ZNF208: variants seen among roughly 807,000 people sequenced by gnomAD.
ZNF208 encodes zinc finger protein 208.
A neutral mutation model predicts 12.1 loss-of-function variants in ZNF208; 10 were observed. The observed-to-expected ratio is 0.83, with a 90% CI of 0.51 to 1.40. The LOEUF (loss-of-function observed/expected upper bound fraction) is 1.40. Ranked by LOEUF, ZNF208 falls within the 40% of genes most tolerant of loss-of-function variation. The pLI is 0.00. For missense variants in ZNF208, 1,652 were observed against 1,485.0 expected (o/e 1.11, Z -1.85); for synonymous variants, 497 against 488.4 (o/e 1.02, Z -0.23).
chr19:21,955,245 C>A (rs1969953967), intron 4 of ZNF208, among the ~76,000 whole-genome samples: 1 of 152,210 alleles, frequency 6.6e-6, no homozygotes, highest in Admixed American at 6.5e-5. Context: ...ACCTTTCTCT[C>A]TGGCTGCCCT....
At position 21,966,353 on chromosome 19, in the gene ZNF208, T is replaced by C. The variant is rs1435315701; in HGVS notation, c.*4838A>G. The C allele has an allele frequency of 1.3e-5, 2 of 152,108 alleles. No individual in the cohort carries two copies. The highest frequency in any genetic ancestry group is 6.6e-5 in the Admixed American group (1 of 15,244). The allele number at this position is 152,108 out of a possible 1,614,324, so 9.4% of individuals were successfully genotyped here. A position where few individuals can be genotyped will look rare whatever the true frequency, so the allele number is the denominator to read the frequency against. On this transcript the variant is annotated 3_prime_UTR_variant, in exon 4 of 4. Coordinates refer to ENST00000397126, the MANE Select transcript of ZNF208 (RefSeq NM_007153.3). The stretch of plus-strand genomic sequence containing the variant: ...TAGCATCCATGTATGAGTGAGAACA[T>C]GTGGCATTTGTTTTTCTGATGCAAT...
chr19:21,984,913 C>T (rs545630220), intron 3 of ZNF208, among the ~76,000 whole-genome samples: 5 of 152,070 alleles, frequency 3.3e-5, no homozygotes, highest in Non-Finnish European at 4.4e-5. Context: ...AAATAGAATG[C>T]GACACATATA....
chr19:21,999,728 T>C (rs1338443365), intron 1 of ZNF208, among the ~76,000 whole-genome samples: 2 of 152,028 alleles, frequency 1.3e-5, no homozygotes, highest in Admixed American at 6.6e-5. Flanking sequence ...AGGTCCCAGA[T>C]AAAGACAATT....
At chr19:21,999,786 T>A (rs2145580251) in intron 1 of ZNF208, among the ~76,000 whole-genome samples, 1 of 152,314 alleles carries the variant, frequency 6.6e-6, no homozygotes, top group Non-Finnish European at 1.5e-5. Context: ...CTAATATGAT[T>A]TACATATATT....
At chr19:21,977,446 A>T (rs1970453458) in intron 3 of ZNF208, among the ~76,000 whole-genome samples, 1 of 152,134 alleles carries the variant, frequency 6.6e-6, no homozygotes. Context: ...GCAGGGTGGG[A>T]TGTCGTCTCC....
At position 21,974,530 on chromosome 19, in the gene ZNF208, A is replaced by C. The variant is rs1396337253; in HGVS notation, c.504T>G (p.Thr168=). ...CTTTACATTGCAAATGTTTCTTTCC[A>C]GTATGCCTTATCTTATGTCTGTTTG... The part of the protein sequence containing the change: ...SNSNRHKIRH[T]GKKHLQCKEY... Residue 168 remains threonine (T), a synonymous_variant, in exon 4 of 4, where the codon ACT becomes ACG. Transcript: ENST00000397126. The C allele has an allele frequency of 1.2e-6, 2 of 1,613,718 alleles. No homozygotes were observed. Among genetic ancestry groups the C allele is most frequent in the Non-Finnish European group, 1.7e-6 (2 of 1,179,728 alleles).
intron 1 of ZNF208, among the ~76,000 whole-genome samples, chr19:22,008,552 G>GT (rs199621503): frequency 0.34 from 49,713 of 145,716 alleles, 8,641 homozygotes; most frequent in African/African-American, 0.46. Context: ...ACTGGGGTCA[G>GT]TTTTTTTTTT....
At chr19:21,962,515 A>G (rs1455365074), downstream of ZNF208, among the ~76,000 whole-genome samples, 1 of 152,086 alleles carries the variant, frequency 6.6e-6, no homozygotes, top group African/African-American at 2.4e-5. Flanking sequence ...GATGAAAAGG[A>G]ATTTTTCATG....
At chr19:21,990,442 T>C (rs1599626691) in intron 1 of ZNF208, among the ~76,000 whole-genome samples, 1 of 24,488 alleles carries the variant, frequency 4.1e-5, no homozygotes, top group Admixed American at 4.2e-4. Context: ...CATTGATCTA[T>C]ATCTCTGATA....
Position 21,973,395 on chromosome 19 carries a change from G to T in ZNF208, c.1639C>A (p.His547Asn). The change falls in exon 4 of 4, where the codon CAT becomes AAT. Residue 547 changes from histidine (H) to asparagine (N), a missense_variant. Coordinates refer to ENST00000397126, the MANE Select transcript of ZNF208 (RefSeq NM_007153.3). ...CATTTGTAGGGTTTCTCTCCAGTATGAATTACCTTATGTTTAGTAAGGATT... is the reference window on the plus strand; with the variant it reads ...CATTTGTAGGGTTTCTCTCCAGTATTAATTACCTTATGTTTAGTAAGGATT... Reference protein sequence around the residue: ...FSILTKHKVIHTGEKPYKCEE... With the variant: ...FSILTKHKVINTGEKPYKCEE... The T allele has an allele frequency of 1.9e-6, 3 of 1,612,056 alleles. No homozygotes were observed. Among genetic ancestry groups the T allele is most frequent in the African/African-American group, 1.3e-5 (1 of 74,988 alleles).
chr19:21,988,527 C>T (rs1041888187), intron 2 of ZNF208, among the ~76,000 whole-genome samples: 1 of 152,168 alleles, frequency 6.6e-6, no homozygotes, highest in Middle Eastern at 3.4e-3. Flanking sequence ...GTCATGCAGG[C>T]CTTCATTAAG....
chr19:21,997,284 G>A (rs1282271365), intron 1 of ZNF208, among the ~76,000 whole-genome samples: 3 of 152,204 alleles, frequency 2.0e-5, no homozygotes, highest in African/African-American at 7.2e-5. Flanking sequence ...TCACATGGTA[G>A]TTGGGAAGGC....
At chr19:21,951,852 C>A (rs1377977380) in intron 4 of ZNF208, among the ~76,000 whole-genome samples, 2 of 152,222 alleles carry the variant, frequency 1.3e-5, no homozygotes, top group African/African-American at 4.8e-5. Context: ...GGTGTCACCT[C>A]ACCTGGGAGG....
chr19:21,980,173 C>CA (rs1410656358), intron 3 of ZNF208, among the ~76,000 whole-genome samples: 2 of 151,992 alleles, frequency 1.3e-5, no homozygotes, highest in African/African-American at 4.8e-5. Flanking sequence ...ATCAATGACA[C>CA]AAAAAACTAA....
intron 3 of ZNF208, among the ~76,000 whole-genome samples, chr19:21,981,043 C>T (rs556594653): frequency 2.5e-4 from 38 of 152,152 alleles, no homozygotes; most frequent in African/African-American, 8.4e-4. Flanking sequence ...AGATCAATAA[C>T]GAATTCTGAA....
chr19:22,010,924 G>A lies in ZNF208; in HGVS notation c.-130C>T, dbSNP rs1971139331. The A allele has an allele frequency of 1.5e-6, 2 of 1,375,560 alleles. No homozygotes were observed. Among genetic ancestry groups the A allele is most frequent in the Non-Finnish European group, 2.1e-6 (2 of 975,042 alleles). The allele number at this position is 1,375,560 out of a possible 1,614,324, so 85.2% of individuals were successfully genotyped here. A position where few individuals can be genotyped will look rare whatever the true frequency, so the allele number is the denominator to read the frequency against. On this transcript the variant is annotated 5_prime_UTR_variant, in exon 1 of 4. Coordinates refer to ENST00000397126, the MANE Select transcript of ZNF208 (RefSeq NM_007153.3). ...AGTAAGGACGAGACCTTGACCTCCG[G>A]CTGCAGCGAGAGACAAAGGACCGAC... is the stretch of plus-strand genomic sequence containing the variant.
Position 21,972,161 on chromosome 19 carries a change from G to C in ZNF208, c.2873C>G (p.Ser958Ter). The part of the protein sequence containing the change: ...EACGKAYKSS[S>*]TLSYHKKIHT... ...AATTTTCTTATGATAACTAAGGGTT[G>C]AGGATGACTTATAGGCTTTGCCACA... The change falls in exon 4 of 4, where the codon TCA (serine) becomes TGA (stop). Residue 958 changes from serine (S) to a stop codon, truncating the protein, a stop_gained. Transcript: ENST00000397126. LOFTEE classifies it low-confidence loss of function (END_TRUNC). 6.2e-7 allele frequency: 1 copy of C among 1,610,988 alleles called. No homozygotes were observed. The highest frequency in any genetic ancestry group is 1.1e-5 in the South Asian group (1 of 90,896).
downstream of ZNF208, among the ~76,000 whole-genome samples, chr19:21,961,473 G>A (rs562858668): frequency 3.3e-5 from 5 of 152,232 alleles, no homozygotes; most frequent in South Asian, 2.1e-4. Context: ...AGCTGTGCAC[G>A]TATTGGTTTG....
chr19:21,970,037 G>A lies in ZNF208; in HGVS notation c.*1154C>T, dbSNP rs1970250573. On this transcript the variant is annotated 3_prime_UTR_variant, in exon 4 of 4. Coordinates refer to ENST00000397126, the MANE Select transcript of ZNF208 (RefSeq NM_007153.3). ...ATTACAGTAGTTTTCTCCAGTATGA[G>A]TTATCTTACCTACAATCAAGTGTGA... 6.6e-6 allele frequency among the ~76,000 whole-genome samples: 1 copy of A among 152,088 alleles called. No homozygotes were observed. Among genetic ancestry groups the A allele is most frequent in the African/African-American group, 2.4e-5 (1 of 41,418 alleles).
Sources: gnomAD v4.1 joint callset for allele counts (sites outside exome capture counted in the v4.1 genomes callset) on GRCh38, gnomAD v4.1.1 for gene constraint, MANE v1.5 for transcripts, NCBI Gene and HGNC (gene_info 2026-07-23, HGNC 2026-07-21) for gene names.